CTNNA1: variants seen among roughly 807,000 people sequenced by gnomAD.
CTNNA1 encodes the protein catenin alpha-1.
A neutral mutation model predicts 98.4 loss-of-function variants in CTNNA1; 37 were observed. The ratio of observed to expected loss-of-function variants is 0.38; its 90% CI spans 0.29 to 0.49. The LOEUF is 0.49. Among genes scored for constraint, CTNNA1 ranks in the 20% least tolerant of loss-of-function variants. The pLI is 0.95. For synonymous variants in CTNNA1, 404 were observed against 413.2 expected (o/e 0.98, Z 0.27); for missense variants, 761 against 1,147.2 (o/e 0.66, Z 4.86).
intron 7 of CTNNA1, among the ~76,000 whole-genome samples, chr5:138,863,310 A>C (rs1439829294): frequency 6.6e-6 from 1 of 152,078 alleles, no homozygotes; most frequent in Non-Finnish European, 1.5e-5. Context: ...ATCACGGCTC[A>C]CTGCAGCCTT....
At chr5:138,868,524 A>G (rs1005685659) in intron 7 of CTNNA1, among the ~76,000 whole-genome samples, 5 of 152,102 alleles carry the variant, frequency 3.3e-5, no homozygotes, top group Admixed American at 1.3e-4. Context: ...TTGGCTAGAT[A>G]CAGGCAATTG....
At chr5:138,879,649 G>T (rs1169271380) in intron 7 of CTNNA1, among the ~76,000 whole-genome samples, 1 of 152,020 alleles carries the variant, frequency 6.6e-6, no homozygotes, top group East Asian at 1.9e-4. Context: ...GTGGAGACAG[G>T]GTCTCACTAT....
At chr5:138,901,868 A>G (rs10044401) in intron 9 of CTNNA1, among the ~76,000 whole-genome samples, 39,270 of 152,102 alleles carry the variant, frequency 0.26, 5,371 homozygotes, top group Middle Eastern at 0.31. Context: ...ATGTGAGGTT[A>G]GCCTCTCAGA....
At chr5:138,911,501 C>G (rs964127217) in intron 10 of CTNNA1, among the ~76,000 whole-genome samples, 1 of 151,904 alleles carries the variant, frequency 6.6e-6, no homozygotes, top group Non-Finnish European at 1.5e-5. Context: ...ATGAGGGAGG[C>G]AGGGGCATCA....
At chr5:138,929,483 G>T (rs1764853385) in intron 14 of CTNNA1, 127 bp downstream of exon 14, 1 of 613,454 alleles carries the variant, frequency 1.6e-6, no homozygotes, top group Non-Finnish European at 2.9e-6. Context: ...TCTGGCAGTA[G>T]ACTGAAGTTA....
chr5:138,777,719 A>T (rs12332276), intron 1 of CTNNA1, among the ~76,000 whole-genome samples: 2 of 150,734 alleles, frequency 1.3e-5, no homozygotes, highest in African/African-American at 4.9e-5. Flanking sequence ...CCAGTCAGGC[A>T]TGGCGGTGCG....
chr5:138,761,070 G>A (rs1055863765), intron 1 of CTNNA1, among the ~76,000 whole-genome samples: 2 of 152,164 alleles, frequency 1.3e-5, no homozygotes, highest in Admixed American at 6.5e-5. Context: ...GTAGTCCTTC[G>A]TCAGCCTCTT....
At chr5:138,808,900 G>C (rs1184308705) in intron 3 of CTNNA1, among the ~76,000 whole-genome samples, 3 of 152,058 alleles carry the variant, frequency 2.0e-5, no homozygotes, top group African/African-American at 7.2e-5. Flanking sequence ...AGAAAAGAGT[G>C]GCAATGGGCA....
rs559340380 is a variant in CTNNA1 at position 138,901,475 on chromosome 5, G to A, written c.1297-2874G>A. On this transcript the variant is annotated intron_variant, in intron 9 of 17. Coordinates refer to ENST00000302763, the MANE Select transcript of CTNNA1 (RefSeq NM_001903.5). ...ACACCCAGCCTCTTTCTTTTTTTGG[G>A]ACATGGTCTTGCAGTCATGGCTTGC... is the stretch of plus-strand genomic sequence containing the variant. 9.7e-4 allele frequency among the ~76,000 whole-genome samples: 148 copies of A among 151,866 alleles called. 1 individual carries two copies. The highest frequency in any genetic ancestry group is 3.5e-3 in the African/African-American group (144 of 41,400).
At chr5:138,756,813 T>C (rs556701546) in intron 1 of CTNNA1, among the ~76,000 whole-genome samples, 1 of 152,240 alleles carries the variant, frequency 6.6e-6, no homozygotes, top group African/African-American at 2.4e-5. Context: ...TTTGTGTGCA[T>C]GTGGAAGCAG....
rs1754250833 is a variant in CTNNA1 at position 138,887,157 on chromosome 5, A to C, written c.1144-333A>C. On this transcript the variant is annotated intron_variant, in intron 8 of 17. Coordinates refer to ENST00000302763, the MANE Select transcript of CTNNA1 (RefSeq NM_001903.5). The stretch of plus-strand genomic sequence containing the variant: ...TATATATATTCCAAGGCTATGTGCC[A>C]GTTCAACCCAGAGCTGCTTTCAGTT... Among the ~76,000 whole-genome samples the C allele has an allele frequency of 2.0e-5, 3 of 152,142 alleles. No individual in the cohort carries two copies. In the South Asian group the frequency reaches 6.2e-4, roughly 31 times the overall value.
Position 138,917,728 on chromosome 5 carries a change from A to C in CTNNA1, c.1390-14A>C. 6.2e-7 allele frequency: 1 copy of C among 1,612,984 alleles called. No homozygotes were observed. Among genetic ancestry groups the C allele is most frequent in the Non-Finnish European group, 8.5e-7 (1 of 1,179,382 alleles). On this transcript the variant is annotated splice_polypyrimidine_tract_variant and intron_variant, in intron 10 of 17. Transcript: ENST00000302763. ...TGAAAAAGAGTAAACAGTGAAGTTT[A>C]ATATCTTTTGCAGGTTATTAATGCT...
chr5:138,779,107 G>C (rs1249368485), intron 1 of CTNNA1, among the ~76,000 whole-genome samples: 1 of 152,082 alleles, frequency 6.6e-6, no homozygotes, highest in African/African-American at 2.4e-5. Flanking sequence ...TCGAACTCCT[G>C]ACCTCAGGTG....
intron 7 of CTNNA1, among the ~76,000 whole-genome samples, chr5:138,877,472 G>A (rs1303602972): frequency 1.4e-5 from 2 of 143,682 alleles, no homozygotes; most frequent in Admixed American, 1.5e-4. Flanking sequence ...ACGGAGTCTC[G>A]CTCTGTCGCC....
chr5:138,802,773 A>G (rs574637771), intron 3 of CTNNA1, among the ~76,000 whole-genome samples: 1 of 152,244 alleles, frequency 6.6e-6, no homozygotes, highest in South Asian at 2.1e-4. Context: ...TTATGATCTT[A>G]TTCTCTATTA....
chr5:138,759,980 C>CTTCTTTTTT (rs1752136893), intron 1 of CTNNA1, among the ~76,000 whole-genome samples: 12 of 61,246 alleles, frequency 2.0e-4, no homozygotes, highest in African/African-American at 8.5e-4. Context: ...AATTTCTTTC[C>CTTCTTTTTT]TTTTTTTTTT....
chr5:138,786,488 TA>T (rs963450417), intron 3 of CTNNA1, among the ~76,000 whole-genome samples: 6 of 150,910 alleles, frequency 4.0e-5, no homozygotes, highest in Middle Eastern at 3.4e-3. Context: ...ACCCCTCCCT[TA>T]AAAAAAAATA....
rs909081758 is a variant in CTNNA1, at chr5:138,934,658, A to G, written c.*569A>G. On this transcript the variant is annotated 3_prime_UTR_variant, in exon 18 of 18. Coordinates refer to ENST00000302763, the MANE Select transcript of CTNNA1 (RefSeq NM_001903.5). Reference sequence around the variant, plus strand: ...GAAATGAAAATTTTAATGCATTGTTATAATTACTAATGTACGCTGCTGCAG... The same window carrying G: ...GAAATGAAAATTTTAATGCATTGTTGTAATTACTAATGTACGCTGCTGCAG... 1 of 153,448 alleles carries G rather than the reference A, an allele frequency of 6.5e-6. No individual in the cohort carries two copies. Among genetic ancestry groups the G allele is most frequent in the Non-Finnish European group, 1.5e-5 (1 of 68,686 alleles). 9.5% of individuals were successfully genotyped at this position (153,448 alleles called of 1,614,324 possible).
intron 7 of CTNNA1, among the ~76,000 whole-genome samples, chr5:138,841,255 A>G (rs1581229389): frequency 6.6e-6 from 1 of 152,080 alleles, no homozygotes; most frequent in Admixed American, 6.6e-5. Context: ...GTATATATGT[A>G]TGTATGTATT....
Sources: allele counts gnomAD v4.1 joint callset (sites outside exome capture counted in the v4.1 genomes callset), GRCh38; gene constraint gnomAD v4.1.1; transcripts MANE v1.5; gene names NCBI Gene and HGNC (gene_info 2026-07-23, HGNC 2026-07-21).